Variants in FZR1 observed in about 807,000 individuals in gnomAD.
The protein encoded by FZR1 is fizzy and cell division cycle 20 related 1, also known as fizzy-related protein homolog.
FZR1 carries 11 observed loss-of-function variants against 63.6 expected under a neutral mutation model. The observed-to-expected ratio is 0.17, with a 90% CI of 0.11 to 0.29. FZR1 has a LOEUF of 0.29. FZR1 is among the 10% of genes least tolerant of loss of function. The pLI is 1.00. For synonymous variants in FZR1, 328 were observed against 297.9 expected (o/e 1.10, Z -1.04); for missense variants, 440 against 687.5 (o/e 0.64, Z 4.03).
rs572303890 is a variant in FZR1 at position 3,528,825 on chromosome 19, G to C, written c.654+1011G>C. On this transcript the variant is annotated intron_variant, in intron 7 of 13. Coordinates refer to ENST00000441788, the MANE Select transcript of FZR1 (RefSeq NM_016263.4). ...TGGGTACGTGGATGGGTGAGTGGAT[G>C]GGAGAATGGATGAGAGAGTGGATGG... 1.1e-3 allele frequency among the ~76,000 whole-genome samples: 147 copies of C among 133,444 alleles called. 5 individuals are homozygous for C. The highest frequency in any genetic ancestry group is 4.1e-3 in the African/African-American group (143 of 34,802). 87.5% of individuals were successfully genotyped at this position (133,444 alleles called of 152,430 possible).
At position 3,532,010 on chromosome 19, in the gene FZR1, G is replaced by A. The variant is rs1249327818; in HGVS notation, c.923G>A (p.Arg308Gln). Residue 308 changes from arginine (R) to glutamine (Q), a missense_variant, in exon 10 of 14, where the codon CGG (arginine) becomes CAG (glutamine). By Grantham distance (43) the Arg-to-Gln change is conservative. Transcript: ENST00000441788. ...IRTPPLQSER[R>Q]LQGHRQEVCG... ...ACCCCGCCACTGCAGTCGGAGCGGC[G>A]GCTGCAGGGCCACCGGCAGGAGGTG... The A allele has an allele frequency of 6.4e-6, 10 of 1,559,150 alleles. No individual in the cohort carries two copies. The highest frequency in any genetic ancestry group is 1.9e-5 in the Admixed American group (1 of 53,088).
intron 1 of FZR1, among the ~76,000 whole-genome samples, chr19:3,520,796 T>C (rs1374330638): frequency 6.6e-6 from 1 of 152,226 alleles, no homozygotes; most frequent in African/African-American, 2.4e-5. Context: ...CCTCAGTATC[T>C]CAGGACAGAG....
chr19:3,513,416 A>G (rs1194155888), intron 1 of FZR1, among the ~76,000 whole-genome samples: 1 of 152,154 alleles, frequency 6.6e-6, no homozygotes, highest in Non-Finnish European at 1.5e-5. Flanking sequence ...CTCCTGGGGC[A>G]AGGGCCAGGG....
intron 10 of FZR1, 102 bp downstream of exon 10, chr19:3,532,197 C>A: frequency 8.8e-7 from 1 of 1,140,192 alleles, no homozygotes; most frequent in Non-Finnish European, 1.2e-6. Flanking sequence ...GGGCGCGGGG[C>A]CCACTCCACA....
Position 3,526,438 on chromosome 19 carries a change from C to T in FZR1, c.387+52C>T, listed in dbSNP as rs558538410. 18 of 1,451,262 alleles carry T rather than the reference C, an allele frequency of 1.2e-5. No homozygotes were observed. The highest frequency in any genetic ancestry group is 2.5e-5 in the South Asian group (2 of 80,656). 89.9% of individuals were successfully genotyped at this position (1,451,262 alleles called of 1,614,324 possible). ...GAGCTGGCTCCCAGTGCAGCCTCCCCGGCCCCCCACCTCCCAGGCACCAGC... is the reference window on the plus strand; with the variant it reads ...GAGCTGGCTCCCAGTGCAGCCTCCCTGGCCCCCCACCTCCCAGGCACCAGC... On this transcript the variant is annotated intron_variant, in intron 5 of 13. Transcript: ENST00000441788. The surrounding 1 kb of genome is among the most constrained non-coding windows in gnomAD (Gnocchi z 5.4).
Position 3,532,001 on chromosome 19 carries a change from C to T in FZR1, c.914C>T (p.Ser305Leu), listed in dbSNP as rs1210784568. ...QRDIRTPPLQ[S>L]ERRLQGHRQE... is the part of the protein sequence containing the mutation. ...GACATCCGCACCCCGCCACTGCAGT[C>T]GGAGCGGCGGCTGCAGGGCCACCGG... is the stretch of plus-strand genomic sequence containing the variant. The change falls in exon 10 of 14, where the codon TCG becomes TTG. Residue 305 changes from serine (S) to leucine (L), a missense_variant. Physicochemically the swap from Ser to Leu is moderately radical, Grantham distance 145. Around this residue, in one of 5 missense-constraint regions of FZR1, gnomAD observed 208 missense variants for 363.6 expected, o/e 0.57. Transcript: ENST00000441788. The T allele has an allele frequency of 4.5e-5, 70 of 1,565,672 alleles. No individual in the cohort carries two copies. Among genetic ancestry groups the T allele is most frequent in the African/African-American group, 8.1e-5 (6 of 74,286 alleles).
At chr19:3,511,004 G>A (rs931202928) in intron 1 of FZR1, among the ~76,000 whole-genome samples, 1 of 152,246 alleles carries the variant, frequency 6.6e-6, no homozygotes, top group African/African-American at 2.4e-5. Flanking sequence ...CCTGGGACCC[G>A]TGGGTGGGAG....
intron 8 of FZR1, 147 bp from the exon 9 acceptor site, chr19:3,531,567 C>T: frequency 6.5e-6 from 4 of 614,950 alleles, no homozygotes; most frequent in South Asian, 6.0e-5. Context: ...GTTTATGCTT[C>T]TTCCGAAGGG....
At position 3,516,798 on chromosome 19, in the gene FZR1, C is replaced by T. The variant is rs913468999; in HGVS notation, c.-34-6158C>T. On this transcript the variant is annotated intron_variant, in intron 1 of 13. Transcript: ENST00000441788. This position sits in a 1 kb window ranked among gnomAD's most constrained non-coding sequence, Gnocchi z 6.0. ...GTGAGTTGTGTGGCCAGTAGACTGACAGCTGCTGCCCACCTGGCAACGTTT... is the reference window on the plus strand; with the variant it reads ...GTGAGTTGTGTGGCCAGTAGACTGATAGCTGCTGCCCACCTGGCAACGTTT... 6.6e-6 allele frequency among the ~76,000 whole-genome samples: 1 copy of T among 152,246 alleles called. No individual in the cohort carries two copies. The highest frequency in any genetic ancestry group is 2.4e-5 in the African/African-American group (1 of 41,470).
chr19:3,513,025 C>T (rs1383048030), intron 1 of FZR1, among the ~76,000 whole-genome samples: 3 of 152,126 alleles, frequency 2.0e-5, no homozygotes, highest in South Asian at 4.1e-4. Flanking sequence ...CACGCCCAGG[C>T]ACCCAGCGCA....
At chr19:3,529,815 A>G (rs2083217620) in intron 7 of FZR1, among the ~76,000 whole-genome samples, 1 of 110,512 alleles carries the variant, frequency 9.0e-6, no homozygotes, top group African/African-American at 4.0e-5. Flanking sequence ...TGGATGGTTG[A>G]GTGGATGGGT....
chr19:3,520,714 C>A (rs565354488), intron 1 of FZR1, among the ~76,000 whole-genome samples: 1 of 152,236 alleles, frequency 6.6e-6, no homozygotes, highest in Non-Finnish European at 1.5e-5. Flanking sequence ...GCGGTTGATC[C>A]TATCTCCAAC....
intron 13 of FZR1, 64 bp downstream of exon 13, chr19:3,534,577 C>G (rs1056452866): frequency 8.8e-7 from 1 of 1,132,670 alleles, no homozygotes; most frequent in African/African-American, 1.5e-5. Flanking sequence ...TCGTCCCTGT[C>G]CCCACTGTCC....
At chr19:3,512,629 G>C (rs769641505) in intron 1 of FZR1, among the ~76,000 whole-genome samples, 1 of 152,176 alleles carries the variant, frequency 6.6e-6, no homozygotes, top group East Asian at 1.9e-4. Flanking sequence ...TGGGTCCCTG[G>C]AGCTGCAGGG....
At chr19:3,521,504 C>A (rs1454793094) in intron 1 of FZR1, among the ~76,000 whole-genome samples, 1 of 149,484 alleles carries the variant, frequency 6.7e-6, no homozygotes, top group African/African-American at 2.5e-5. Context: ...CTGAACTGTA[C>A]GCTTTTTTTT....
rs2121959641 is a variant in FZR1 at position 3,525,091 on chromosome 19, A to G, written c.70-777A>G. Among the ~76,000 whole-genome samples the G allele has an allele frequency of 6.6e-6, 1 of 152,120 alleles. No individual in the cohort carries two copies. Among genetic ancestry groups the G allele is most frequent in the South Asian group, 2.1e-4 (1 of 4,810 alleles). On this transcript the variant is annotated intron_variant, in intron 2 of 13. Transcript: ENST00000441788. The surrounding 1 kb of genome is among the most constrained non-coding windows in gnomAD (Gnocchi z 4.2). ...GTGTTGTGGGCAGCAGGAGATGGGG[A>G]TGAGGGCCACACTCCCAGGTGGCTC...
intron 1 of FZR1, among the ~76,000 whole-genome samples, chr19:3,508,200 C>CTTTTTTT (rs71166908): frequency 6.6e-5 from 6 of 91,086 alleles, no homozygotes; most frequent in African/African-American, 1.4e-4. Context: ...CATTGATTTT[C>CTTTTTTT]TTTTTTTTTT....
intron 1 of FZR1, among the ~76,000 whole-genome samples, chr19:3,519,873 G>T (rs989690681): frequency 1.4e-5 from 2 of 144,140 alleles, no homozygotes; most frequent in African/African-American, 5.2e-5. Context: ...AATCGGTCCC[G>T]GGGGGCCCCA....
Position 3,533,428 on chromosome 19 carries a change from C to A in FZR1, c.1347+30C>A, listed in dbSNP as rs200839529. The A allele has an allele frequency of 7.8e-6, 11 of 1,416,768 alleles. No individual in the cohort carries two copies. The highest frequency in any genetic ancestry group is 1.0e-5 in the Non-Finnish European group (10 of 1,001,690). 87.8% of individuals were successfully genotyped at this position (1,416,768 alleles called of 1,614,324 possible). A position where few individuals can be genotyped will look rare whatever the true frequency, so the allele number is the denominator to read the frequency against. ...GTTCACGCCAGGCACTTCAAGGTGC[C>A]CCGGGATTCTGGACAAACTGCCATG... On this transcript the variant is annotated intron_variant, in intron 12 of 13. Transcript: ENST00000441788. This position sits in a 1 kb window ranked among gnomAD's most constrained non-coding sequence, Gnocchi z 4.9.
Sources: allele counts gnomAD v4.1 joint callset (sites outside exome capture counted in the v4.1 genomes callset), GRCh38; gene constraint gnomAD v4.1.1; regional missense constraint gnomAD v4.1.1; non-coding constraint Gnocchi (gnomAD v3.1); transcripts MANE v1.5; gene names NCBI Gene and HGNC (gene_info 2026-07-23, HGNC 2026-07-21).